TRIM42: variants seen among roughly 807,000 people sequenced by gnomAD.
TRIM42 encodes the protein tripartite motif-containing protein 42.
A neutral mutation model predicts 64.9 loss-of-function variants in TRIM42; 59 were observed. The ratio of observed to expected loss-of-function variants is 0.91; its 90% CI spans 0.74 to 1.13. The LOEUF is 1.13. Ranked by LOEUF, TRIM42 falls within the 50% of genes most tolerant of loss-of-function variation. TRIM42 has a pLI of 0.00. For missense variants in TRIM42, 878 were observed against 929.5 expected (o/e 0.94, Z 0.72); for synonymous variants, 354 against 346.3 (o/e 1.02, Z -0.25).
chr3:140,681,261 C>A (rs189542172), intron 1 of TRIM42, among the ~76,000 whole-genome samples: 1 of 152,216 alleles, frequency 6.6e-6, no homozygotes. Context: ...ACTATGATTT[C>A]TCTCTACTGC....
intron 2 of TRIM42, among the ~76,000 whole-genome samples, chr3:140,684,200 CA>C (rs113391512): frequency 3.4e-5 from 5 of 148,864 alleles, no homozygotes; most frequent in African/African-American, 1.2e-4. Context: ...AACTGTGGTT[CA>C]AAAAAAAAAT....
At chr3:140,693,209 T>A (rs1211473200) in intron 4 of TRIM42, among the ~76,000 whole-genome samples, 2 of 152,248 alleles carry the variant, frequency 1.3e-5, no homozygotes, top group African/African-American at 2.4e-5. Flanking sequence ...TACCGTAAGA[T>A]GCCTGAAAGC....
In TRIM42 at chr3:140,678,426, G is replaced by C. The variant is rs1245266104; in HGVS notation, c.197G>C (p.Cys66Ser). The C allele has an allele frequency of 6.2e-7, 1 of 1,614,076 alleles. No homozygotes were observed. Among genetic ancestry groups the C allele is most frequent in the East Asian group, 2.2e-5 (1 of 44,892 alleles). The change falls in exon 1 of 5, where the codon TGT becomes TCT. Residue 66 changes from cysteine to serine, a missense_variant. Coordinates refer to ENST00000286349, the MANE Select transcript of TRIM42 (RefSeq NM_152616.5). ...TCTGAGAGCCCCAACTGCCATTGGT[G>C]TTGCTGCTCTTGGGCCAATGATCCC... ...TCSESPNCHWCCCSWANDPNC... is the reference protein window; with the variant it reads ...TCSESPNCHWSCCSWANDPNC...
chr3:140,687,522 G>C (rs1196620494), intron 2 of TRIM42, among the ~76,000 whole-genome samples, 200 bp from the exon 3 acceptor site: 2 of 152,172 alleles, frequency 1.3e-5, no homozygotes, highest in Non-Finnish European at 2.9e-5. Flanking sequence ...ATCAGAGGGG[G>C]AAGAAGGGGA....
At chr3:140,688,598 A>G (rs1988626746) in intron 3 of TRIM42, 56 bp downstream of exon 3, 1 of 1,421,412 alleles carries the variant, frequency 7.0e-7, no homozygotes, top group Non-Finnish European at 9.6e-7. Context: ...CACAGAGTAG[A>G]AGTGAGTAGT....
At position 140,678,105 on chromosome 3, in the gene TRIM42, G is replaced by C; in HGVS notation, c.-125G>C. ...AAGTCCTCATAACAGCCAACTTCTT[G>C]CAACTTTCAAGCTGACGGCCTCAGG... On this transcript the variant is annotated 5_prime_UTR_variant, in exon 1 of 5. Coordinates refer to ENST00000286349, the MANE Select transcript of TRIM42 (RefSeq NM_152616.5). 2 of 886,690 alleles carry C rather than the reference G, an allele frequency of 2.3e-6. No individual in the cohort carries two copies. The allele number at this position is 886,690 out of a possible 1,614,324, so 54.9% of individuals were successfully genotyped here. A position where few individuals can be genotyped will look rare whatever the true frequency, so the allele number is the denominator to read the frequency against.
chr3:140,683,172 T>G lies in TRIM42; in HGVS notation c.1039+13T>G. 1 of 1,612,842 alleles carries G rather than the reference T, an allele frequency of 6.2e-7. No homozygotes were observed. The highest frequency in any genetic ancestry group is 8.5e-7 in the Non-Finnish European group (1 of 1,178,870). The stretch of plus-strand genomic sequence containing the variant: ...AAGTTCAAAGCAGGTCCTCCCCTTT[T>G]CCACTCCTTCAGCCTAACTTCTAGT... On this transcript the variant is annotated intron_variant, in intron 2 of 4. Transcript: ENST00000286349.
intron 3 of TRIM42, 103 bp downstream of exon 3, chr3:140,688,645 T>A (rs984228294): frequency 4.0e-5 from 35 of 865,942 alleles, no homozygotes; most frequent in Admixed American, 7.8e-5. Flanking sequence ...ACCTCTAGGA[T>A]CTGGTCACTC....
Position 140,682,730 on chromosome 3 carries a change from C to A in TRIM42, c.610C>A (p.Gln204Lys). ...SHCMPYSNKM[Q>K]LPENYLHGRL... ...CTGCATGCCCTACAGCAACAAGATG[C>A]AGCTGCCCGAGAACTACCTGCACGG... Residue 204 changes from glutamine (Q) to lysine (K), a missense_variant, in exon 2 of 5, where the codon CAG (glutamine) becomes AAG (lysine). By Grantham distance (53) the Gln-to-Lys change is moderately conservative. Coordinates refer to ENST00000286349, the MANE Select transcript of TRIM42 (RefSeq NM_152616.5). 1 of 1,612,726 alleles carries A rather than the reference C, an allele frequency of 6.2e-7. No individual in the cohort carries two copies. Among genetic ancestry groups the A allele is most frequent in the Non-Finnish European group, 8.5e-7 (1 of 1,180,034 alleles).
intron 1 of TRIM42, 28 bp downstream of exon 1, chr3:140,678,598 C>T (rs1014286273): frequency 1.8e-5 from 29 of 1,579,258 alleles, no homozygotes; most frequent in Admixed American, 1.4e-4. Flanking sequence ...GATGTGGGGC[C>T]GCATTGGGTC....
chr3:140,692,566 G>C (rs199739222), intron 4 of TRIM42, among the ~76,000 whole-genome samples: 539 of 38,208 alleles, frequency 0.014, no homozygotes, highest in African/African-American at 0.026. Context: ...CACACACAGA[G>C]AGAGATAGAG....
rs751407973 is a variant in TRIM42 at position 140,678,355 on chromosome 3, C to A, written c.126C>A (p.Cys42Ter). The A allele has an allele frequency of 1.9e-6, 3 of 1,614,232 alleles. No individual in the cohort carries two copies. In the Admixed American group the frequency reaches 5.0e-5, roughly 27 times the overall value. The stretch of plus-strand genomic sequence containing the variant: ...AGCGGAACTGCACCTGCTTCCCCTG[C>A]CCTTACAAAGATGAGCGGAACTGCC... ...TSERNCTCFP[C>*]PYKDERNCQF... Residue 42 changes from cysteine (C) to a stop codon, truncating the protein, a stop_gained, in exon 1 of 5, where the codon TGC becomes TGA. Coordinates refer to ENST00000286349, the MANE Select transcript of TRIM42 (RefSeq NM_152616.5). LOFTEE classifies it high-confidence loss of function.
intron 4 of TRIM42, among the ~76,000 whole-genome samples, chr3:140,700,003 C>T (rs1329332945): frequency 1.3e-5 from 2 of 152,152 alleles, no homozygotes; most frequent in African/African-American, 4.8e-5. Context: ...CATACAAACC[C>T]CACCCCCATT....
rs1445209629 is a variant in TRIM42, at chr3:140,688,290, C to T, written c.1608C>T (p.Ser536=). ...SLGNQHIYQR[S]SSMLSFSNTD... ...GCAACCAGCACATATACCAGCGAAG[C>T]TCCTCCATGTTGTCCTTCAGCAACA... The change falls in exon 3 of 5, where the codon AGC becomes AGT. Residue 536 remains serine (S), a synonymous_variant. Transcript: ENST00000286349. 5.0e-6 allele frequency: 8 copies of T among 1,614,088 alleles called. No homozygotes were observed. Among genetic ancestry groups the T allele is most frequent in the Non-Finnish European group, 6.8e-6 (8 of 1,180,046 alleles).
intron 4 of TRIM42, 28 bp downstream of exon 4, chr3:140,691,220 A>G (rs1559938766): frequency 3.8e-6 from 6 of 1,594,216 alleles, no homozygotes; most frequent in Non-Finnish European, 5.2e-6. Flanking sequence ...TCTCAGACAG[A>G]TTTTTTTTTC....
rs1339927997 is a variant in TRIM42, at chr3:140,689,501, G to C, written c.1860+959G>C. Among the ~76,000 whole-genome samples, 6 of 152,096 alleles carry C rather than the reference G, an allele frequency of 3.9e-5. No individual in the cohort carries two copies. In the East Asian group the frequency reaches 1.2e-3, roughly 29 times the overall value. ...TTCTATTTTAGTAGGTTTCAAAGGG[G>C]CCTGAGATTCTGGTTCTCACAAACT... On this transcript the variant is annotated intron_variant, in intron 3 of 4. Transcript: ENST00000286349.
chr3:140,679,021 C>G lies in TRIM42; in HGVS notation c.341+451C>G, dbSNP rs76446463. 2.3e-4 allele frequency among the ~76,000 whole-genome samples: 34 copies of G among 150,962 alleles called. No homozygotes were observed. In the East Asian group the frequency reaches 6.7e-3, roughly 30 times the overall value. On this transcript the variant is annotated intron_variant, in intron 1 of 4. Transcript: ENST00000286349. Reference sequence around the variant, plus strand: ...TGGAACCTAAAATTTGGGATCTTAACTTTAAAATGCTGTATTGCAAAACGG... The same window carrying G: ...TGGAACCTAAAATTTGGGATCTTAAGTTTAAAATGCTGTATTGCAAAACGG...
Position 140,692,684 on chromosome 3 carries a change from C to G in TRIM42, c.2085+1492C>G, listed in dbSNP as rs1988753627. On this transcript the variant is annotated intron_variant, in intron 4 of 4. Coordinates refer to ENST00000286349, the MANE Select transcript of TRIM42 (RefSeq NM_152616.5). ...AGCCAATTACACTGCTGCTCAGTTG[C>G]CCCAAAGCCCTTCTCATTCTTGATA... Among the ~76,000 whole-genome samples the G allele has an allele frequency of 3.9e-5, 6 of 152,232 alleles. No individual in the cohort carries two copies. The South Asian group carries it at 1.0e-3, about 26-fold the overall frequency.
At chr3:140,680,788 A>C in intron 1 of TRIM42, 1 of 750,706 alleles carries the variant, frequency 1.3e-6, no homozygotes, top group Non-Finnish European at 1.6e-6. Context: ...CTTAATATAC[A>C]CAGGGAGCAT....
Sources: gnomAD v4.1 joint callset for allele counts (sites outside exome capture counted in the v4.1 genomes callset) on GRCh38, gnomAD v4.1.1 for gene constraint, MANE v1.5 for transcripts, NCBI Gene and HGNC (gene_info 2026-07-23, HGNC 2026-07-21) for gene names.